The following CDH7 variants were observed in gnomAD, a reference collection of about 807,000 sequenced individuals.
The protein encoded by CDH7 is cadherin 7.
In CDH7, 25 loss-of-function variants were observed where a neutral mutation model predicts 71.8. That is an observed-to-expected ratio of 0.35 (90% CI 0.25 to 0.49). The LOEUF is 0.49. Among genes scored for constraint, CDH7 ranks in the 20% least tolerant of loss-of-function variants. The probability of loss-of-function intolerance (pLI) is 0.99; values close to 1 mark genes in which losing one functional copy is unlikely to be tolerated. For synonymous variants in CDH7, 381 were observed against 363.8 expected, an observed-to-expected ratio of 1.05 and a Z score of -0.54; for missense variants, 862 against 974.6, an observed-to-expected ratio of 0.88 and a Z score of 1.54.
chr18:65,880,588 G>C lies in CDH7; in HGVS notation c.2052G>C (p.Arg684Ser). 1 of 1,613,814 alleles carries C rather than the reference G, an allele frequency of 6.2e-7. No homozygotes were observed. Among genetic ancestry groups the C allele is most frequent in the South Asian group, 1.1e-5 (1 of 91,040 alleles). ...LNVIRDTKTRRDVTPEIQFLS... is the reference protein window; with the variant it reads ...LNVIRDTKTRSDVTPEIQFLS... ...TCATCCGAGACACCAAGACCCGGAG[G>C]GATGTGACTCCAGAAATTCAATTCC... is the stretch of plus-strand genomic sequence containing the variant. Residue 684 changes from arginine to serine, a missense_variant, in exon 12 of 12, where the codon AGG becomes AGC. Physicochemically the swap from Arg to Ser is moderately radical, Grantham distance 110 (BLOSUM62 -1). Coordinates refer to ENST00000397968, the MANE Select transcript of CDH7 (RefSeq NM_004361.5).
At chr18:65,807,780 G>C (rs1158933829) in intron 2 of CDH7, among the ~76,000 whole-genome samples, 1 of 152,180 alleles carries the variant, frequency 6.6e-6, no homozygotes, top group Non-Finnish European at 1.5e-5. Context: ...TGGCAAGAAG[G>C]AACCCTTCTC....
At chr18:65,830,921 CTAGCTCA>C (rs2143959497) in intron 6 of CDH7, among the ~76,000 whole-genome samples, 1 of 151,966 alleles carries the variant, frequency 6.6e-6, no homozygotes, top group Admixed American at 6.6e-5. Flanking sequence ...TCCCCCACAC[CTAGCTCA>C]TAGCCTGCGT....
At position 65,844,174 on chromosome 18, in the gene CDH7, G is replaced by GATTT. The variant is rs71167157; in HGVS notation, c.1235+111_1235+112insTTAT. 879 of 227,984 alleles carry GATTT rather than the reference G, an allele frequency of 3.9e-3. 341 individuals carry two copies. Among genetic ancestry groups the GATTT allele is most frequent in the South Asian group, 0.017 (232 of 13,568 alleles). 14.1% of individuals were successfully genotyped at this position (227,984 alleles called of 1,614,324 possible). ...CTTTGTTCATAACAAATAAAAACCA[G>GATTT]ATATATATATATATCGAGTTATAAC... On this transcript the variant is annotated intron_variant, in intron 7 of 11. Transcript: ENST00000397968.
intron 7 of CDH7, among the ~76,000 whole-genome samples, chr18:65,847,246 A>G (rs2144000440): frequency 6.6e-6 from 1 of 152,286 alleles, no homozygotes; most frequent in Middle Eastern, 3.4e-3. Context: ...AGTCTTAACA[A>G]TTGTGACCTT....
intron 6 of CDH7, among the ~76,000 whole-genome samples, chr18:65,836,871 ATT>A (rs896295400): frequency 1.3e-4 from 20 of 152,098 alleles, no homozygotes; most frequent in African/African-American, 4.6e-4. Context: ...AATCATATCT[ATT>A]GCAGATTTGT....
At chr18:65,776,361 AACACACACACACACACACACACACAC>A (rs66695422) in intron 2 of CDH7, among the ~76,000 whole-genome samples, 2 of 139,636 alleles carry the variant, frequency 1.4e-5, no homozygotes, top group Non-Finnish European at 3.1e-5. Flanking sequence ...GAAAGTACAG[AACACACACACACACACACACACACAC>A]ACACACACAC....
intron 2 of CDH7, among the ~76,000 whole-genome samples, chr18:65,809,007 A>G (rs1218259930): frequency 6.6e-6 from 1 of 152,184 alleles, no homozygotes; most frequent in Non-Finnish European, 1.5e-5. Flanking sequence ...CCTGCTGCTG[A>G]TGCTGTGCTT....
chr18:65,780,679 C>T (rs984578180), intron 2 of CDH7, among the ~76,000 whole-genome samples: 81 of 150,578 alleles, frequency 5.4e-4, no homozygotes, highest in Non-Finnish European at 1.2e-4. Context: ...TGTTTTGGTA[C>T]CAGTACCATG....
At chr18:65,877,346 AT>A in intron 11 of CDH7, among the ~76,000 whole-genome samples, 1 of 152,238 alleles carries the variant, frequency 6.6e-6, no homozygotes, top group Admixed American at 6.5e-5. Flanking sequence ...AGTCAAGTTT[AT>A]CAGTAGCATG....
intron 4 of CDH7, among the ~76,000 whole-genome samples, chr18:65,819,171 C>T (rs1167357317): frequency 6.6e-6 from 1 of 152,152 alleles, no homozygotes; most frequent in Non-Finnish European, 1.5e-5. Context: ...TACCACCTGT[C>T]TCCGTTGCAA....
rs1440165887 is a variant in CDH7 at position 65,845,151 on chromosome 18, TACAC to T, written c.1235+1090_1235+1093del. 5.4e-5 allele frequency among the ~76,000 whole-genome samples: 8 copies of T among 149,440 alleles called. No individual in the cohort carries two copies. In the South Asian group the frequency reaches 1.7e-3, roughly 31 times the overall value. On this transcript the variant is annotated intron_variant, in intron 7 of 11. Coordinates refer to ENST00000397968, the MANE Select transcript of CDH7 (RefSeq NM_004361.5). ...AAGTGATTATGTACATTTATACACA[TACAC>T]ACATATTTTAAAGTAGTATATATAC...
chr18:65,800,156 T>C (rs1421771095), intron 2 of CDH7, among the ~76,000 whole-genome samples: 1 of 152,160 alleles, frequency 6.6e-6, no homozygotes, highest in Non-Finnish European at 1.5e-5. Flanking sequence ...CTTGGCTCAC[T>C]GCAACCTCCA....
intron 9 of CDH7, among the ~76,000 whole-genome samples, chr18:65,859,506 A>T (rs537861478): frequency 6.6e-6 from 1 of 152,376 alleles, no homozygotes; most frequent in South Asian, 2.1e-4. Flanking sequence ...AAGTGAATTC[A>T]AACATGAACT....
At chr18:65,763,588 T>G (rs1916266209) in intron 2 of CDH7, among the ~76,000 whole-genome samples, 1 of 126,514 alleles carries the variant, frequency 7.9e-6, no homozygotes. Context: ...CTTGTTTTGA[T>G]AGGGGGGTGT....
Position 65,824,571 on chromosome 18 carries a change from A to G in CDH7, c.794-73A>G, listed in dbSNP as rs139092841. On this transcript the variant is annotated intron_variant, in intron 5 of 11. Transcript: ENST00000397968. ...AAGAAGTTGTGCTACAATGATGCCAAAATAACCCAATATTTAAATTTTTAT... is the reference window on the plus strand; with the variant it reads ...AAGAAGTTGTGCTACAATGATGCCAGAATAACCCAATATTTAAATTTTTAT... 387 of 1,030,072 alleles carry G rather than the reference A, an allele frequency of 3.8e-4. No homozygotes were observed. The African/African-American group carries it at 4.9e-3, about 13-fold the overall frequency. 63.8% of individuals were successfully genotyped at this position (1,030,072 alleles called of 1,614,324 possible). A position where few individuals can be genotyped will look rare whatever the true frequency, so the allele number is the denominator to read the frequency against.
Position 65,858,974 on chromosome 18 carries a change from C to T in CDH7, c.1422C>T (p.Asp474=). The stretch of plus-strand genomic sequence containing the variant: ...GCTATGTGGCCATCACTATACTTGA[C>T]ATCAATGATAACGCCCCTGAATTTG... ...GRGYVAITIL[D]INDNAPEFAM... Residue 474 remains aspartate (D), a synonymous_variant, in exon 9 of 12, where the codon GAC becomes GAT. Coordinates refer to ENST00000397968, the MANE Select transcript of CDH7 (RefSeq NM_004361.5). 1.9e-6 allele frequency: 3 copies of T among 1,611,554 alleles called. No homozygotes were observed. The highest frequency in any genetic ancestry group is 2.5e-6 in the Non-Finnish European group (3 of 1,177,762).
At chr18:65,775,141 G>A (rs1909889958) in intron 2 of CDH7, among the ~76,000 whole-genome samples, 1 of 152,160 alleles carries the variant, frequency 6.6e-6, no homozygotes, top group South Asian at 2.1e-4. Flanking sequence ...TATGTTGTAT[G>A]ATTGTCTTTG....
chr18:65,832,158 T>A (rs1402101226), intron 6 of CDH7, among the ~76,000 whole-genome samples: 5 of 152,022 alleles, frequency 3.3e-5, no homozygotes, highest in African/African-American at 1.2e-4. Flanking sequence ...TCTGAATTTA[T>A]TTTCTCTCTA....
intron 11 of CDH7, among the ~76,000 whole-genome samples, chr18:65,872,563 C>T (rs17075368): frequency 0.024 from 3,638 of 152,002 alleles, 131 homozygotes; most frequent in African/African-American, 0.082. Flanking sequence ...TATTTCTGAT[C>T]CATCTGAAGC....
Sources: gnomAD v4.1 joint callset for allele counts (sites outside exome capture counted in the v4.1 genomes callset) on GRCh38, gnomAD v4.1.1 for gene constraint, MANE v1.5 for transcripts, NCBI Gene and HGNC (gene_info 2026-07-23, HGNC 2026-07-21) for gene names.